The following DZIP1L variants were observed in gnomAD, a reference collection of about 807,000 sequenced individuals.
DZIP1L encodes the protein DAZ interacting zinc finger protein 1 like, also known as cilium assembly protein DZIP1L.
In DZIP1L, 90 loss-of-function variants were observed where a neutral mutation model predicts 88.7. The ratio of observed to expected loss-of-function variants is 1.02; its 90% CI spans 0.86 to 1.21. The LOEUF is 1.21. Among genes scored for constraint, DZIP1L ranks in the 50% most tolerant of loss-of-function variants. The pLI, the probability that DZIP1L is intolerant of heterozygous loss-of-function variation, is 0.00. For synonymous variants in DZIP1L, 363 were observed against 372.1 expected (o/e 0.98, Z 0.28); for missense variants, 932 against 955.8 (o/e 0.98, Z 0.33).
intron 9 of DZIP1L, among the ~76,000 whole-genome samples, chr3:138,081,386 A>C (rs1943640849): frequency 6.6e-6 from 1 of 152,154 alleles, no homozygotes; most frequent in South Asian, 2.1e-4. Context: ...AACAAGGTAA[A>C]AGTTGCTGGC....
intron 3 of DZIP1L, among the ~76,000 whole-genome samples, chr3:138,097,015 A>G (rs1042166101): frequency 9.2e-5 from 14 of 152,012 alleles, no homozygotes; most frequent in African/African-American, 3.4e-4. Flanking sequence ...CCTCATCTCT[A>G]TGAAAAATTT....
chr3:138,090,084 G>A (rs149727681), intron 5 of DZIP1L, among the ~76,000 whole-genome samples: 94 of 152,072 alleles, frequency 6.2e-4, no homozygotes, highest in African/African-American at 2.2e-3. Context: ...AGGCTGCAGT[G>A]AACCGTGATT....
rs1942749732 is a variant in DZIP1L at position 138,062,719 on chromosome 3, T to C, written c.*97A>G. On this transcript the variant is annotated 3_prime_UTR_variant, in exon 16 of 16. Coordinates refer to ENST00000327532, the MANE Select transcript of DZIP1L (RefSeq NM_173543.3). ...TCCAAGAGGATGATCTCTTGGTTGTTTGTGAAGACAAGAGGCCCAGCAGCC... is the reference window on the plus strand; with the variant it reads ...TCCAAGAGGATGATCTCTTGGTTGTCTGTGAAGACAAGAGGCCCAGCAGCC... The C allele has an allele frequency of 7.3e-7, 1 of 1,367,080 alleles. No homozygotes were observed. Among genetic ancestry groups the C allele is most frequent in the East Asian group, 2.3e-5 (1 of 43,498 alleles). 84.7% of individuals were successfully genotyped at this position (1,367,080 alleles called of 1,614,324 possible). A position where few individuals can be genotyped will look rare whatever the true frequency, so the allele number is the denominator to read the frequency against.
intron 12 of DZIP1L, among the ~76,000 whole-genome samples, chr3:138,071,360 G>T (rs1310636816): frequency 6.6e-6 from 1 of 152,202 alleles, no homozygotes; most frequent in Non-Finnish European, 1.5e-5. Flanking sequence ...GAGGCAGCAT[G>T]TCTGCACAGG....
At chr3:138,102,658 A>G (rs2042357521) in intron 2 of DZIP1L, 5 of 1,326,504 alleles carry the variant, frequency 3.8e-6, no homozygotes, top group South Asian at 3.5e-5. Context: ...CTGGGTGCAC[A>G]TGGCCTGAAT....
chr3:138,100,623 T>C (rs329385), intron 2 of DZIP1L, among the ~76,000 whole-genome samples: 93,602 of 152,086 alleles, frequency 0.62, 29,957 homozygotes, highest in Non-Finnish European at 0.7. Context: ...AGGTAGATAG[T>C]GTCAGAATTG....
At chr3:138,097,980 G>T (rs1944559829) in intron 2 of DZIP1L, 133 bp from the exon 3 acceptor site, 7 of 705,936 alleles carry the variant, frequency 9.9e-6, no homozygotes, top group Non-Finnish European at 1.7e-5. Context: ...AATTTACTGA[G>T]CAAGGCAATG....
Position 138,092,497 on chromosome 3 carries a change from A to T in DZIP1L, c.756T>A (p.Phe252Leu), listed in dbSNP as rs765052280. The T allele has an allele frequency of 6.2e-7, 1 of 1,603,218 alleles. No individual in the cohort carries two copies. The highest frequency in any genetic ancestry group is 8.5e-7 in the Non-Finnish European group (1 of 1,176,848). Residue 252 changes from phenylalanine to leucine, a missense_variant, in exon 5 of 16, where the codon TTT becomes TTA. Phe to Leu is a conservative substitution (Grantham distance 22). Transcript: ENST00000327532. Reference sequence around the variant, plus strand: ...TCCACTCTTGCTCTTTCCATTTATCAAATTCTTTCTTAGCTTCTATTTCCC... The same window carrying T: ...TCCACTCTTGCTCTTTCCATTTATCTAATTCTTTCTTAGCTTCTATTTCCC... ...HQREIEAKKE[F>L]DKWKEQEWTK... is the part of the protein sequence containing the mutation.
At chr3:138,108,948 A>T (rs1485549547) in intron 1 of DZIP1L, among the ~76,000 whole-genome samples, 1 of 152,216 alleles carries the variant, frequency 6.6e-6, no homozygotes, top group Non-Finnish European at 1.5e-5. Flanking sequence ...AGATCCCCAG[A>T]CTTACTGATT....
chr3:138,101,731 C>G, intron 2 of DZIP1L: 1 of 884,270 alleles, frequency 1.1e-6, no homozygotes, highest in South Asian at 1.3e-5. Flanking sequence ...AGACTCCAGC[C>G]GGCTTTCCTT....
Position 138,062,980 on chromosome 3 carries a change from G to T in DZIP1L, c.2143-3C>A, listed in dbSNP as rs1460047524. 1.2e-6 allele frequency: 2 copies of T among 1,613,904 alleles called. No homozygotes were observed. The highest frequency in any genetic ancestry group is 2.7e-5 in the African/African-American group (2 of 75,046). On this transcript the variant is annotated splice_polypyrimidine_tract_variant and splice_region_variant and intron_variant, in intron 15 of 15. Coordinates refer to ENST00000327532, the MANE Select transcript of DZIP1L (RefSeq NM_173543.3). ...AAGTCACTCTCATCTTCAGAAAGCT[G>T]CAGGGGGTAAAGGGGAGAAGAAAAT...
chr3:138,108,067 T>G lies in DZIP1L; in HGVS notation c.-81-4015A>C, dbSNP rs945894410. ...GGCGCGATCTCGGCTCACTGCAAGC[T>G]CTGCCTCCCAGGTTCACGTCATTCT... On this transcript the variant is annotated intron_variant, in intron 1 of 15. Transcript: ENST00000327532. 5 of 257,432 alleles carry G rather than the reference T, an allele frequency of 1.9e-5. No homozygotes were observed. The East Asian group carries it at 7.1e-4, about 37-fold the overall frequency. 15.9% of individuals were successfully genotyped at this position (257,432 alleles called of 1,614,324 possible). A position where few individuals can be genotyped will look rare whatever the true frequency, so the allele number is the denominator to read the frequency against.
At chr3:138,064,389 T>C in intron 15 of DZIP1L, 2 of 1,386,324 alleles carry the variant, frequency 1.4e-6, no homozygotes, top group Non-Finnish European at 1.9e-6. Flanking sequence ...CAATCAAAAC[T>C]TACTGAGCAT....
At chr3:138,072,494 A>AT (rs149722455) in intron 11 of DZIP1L, among the ~76,000 whole-genome samples, 4,214 of 150,282 alleles carry the variant, frequency 0.028, 177 homozygotes, top group African/African-American at 0.097. Flanking sequence ...CTAGTTGTCT[A>AT]TTTTTTTTTT....
intron 12 of DZIP1L, among the ~76,000 whole-genome samples, chr3:138,069,467 G>A (rs1293435984): frequency 6.6e-6 from 1 of 152,134 alleles, no homozygotes; most frequent in Non-Finnish European, 1.5e-5. Flanking sequence ...CCCCTGCATT[G>A]TTCAAGGGCC....
At position 138,106,618 on chromosome 3, in the gene DZIP1L, G is replaced by C. The variant is rs546929231; in HGVS notation, c.-81-2566C>G. ...GGAGGCCAAGGTGGGTGGATCACGAGGTCAAGAGATTGAGACCATCCTGGC... is the reference window on the plus strand; with the variant it reads ...GGAGGCCAAGGTGGGTGGATCACGACGTCAAGAGATTGAGACCATCCTGGC... On this transcript the variant is annotated intron_variant, in intron 1 of 15. Transcript: ENST00000327532. 6.6e-5 allele frequency among the ~76,000 whole-genome samples: 10 copies of C among 151,714 alleles called. No homozygotes were observed. The East Asian group carries it at 2.0e-3, about 30-fold the overall frequency.
At chr3:138,082,392 A>C (rs1054725126) in intron 8 of DZIP1L, among the ~76,000 whole-genome samples, 1 of 152,202 alleles carries the variant, frequency 6.6e-6, no homozygotes, top group African/African-American at 2.4e-5. Flanking sequence ...CTGGCAGCCA[A>C]TTGTTTGTGG....
Position 138,086,979 on chromosome 3 carries a change from G to C in DZIP1L, c.1044C>G (p.His348Gln). Residue 348 changes from histidine (H) to glutamine (Q), a missense_variant, in exon 7 of 16, where the codon CAC (histidine) becomes CAG (glutamine). By Grantham distance (24) the His-to-Gln change is conservative. Transcript: ENST00000327532. ...AAGCTACCTCTTTCTTCTCAGCCAT[G>C]TGCTCTTCATGCAGTTCCTTCACTT... ...KRKVKELHEE[H>Q]MAEKKELQEE... The C allele has an allele frequency of 1.2e-6, 2 of 1,614,020 alleles. No homozygotes were observed. The highest frequency in any genetic ancestry group is 2.7e-5 in the African/African-American group (2 of 75,030).
At position 138,092,557 on chromosome 3, in the gene DZIP1L, G is replaced by A; in HGVS notation, c.709-13C>T. 1 of 1,554,342 alleles carries A rather than the reference G, an allele frequency of 6.4e-7. No individual in the cohort carries two copies. Among genetic ancestry groups the A allele is most frequent in the Non-Finnish European group, 8.6e-7 (1 of 1,160,082 alleles). On this transcript the variant is annotated splice_polypyrimidine_tract_variant and intron_variant, in intron 4 of 15. Transcript: ENST00000327532. The stretch of plus-strand genomic sequence containing the variant: ...TGAGCTCTGCTTCCTAAAAAGAAGA[G>A]CAAGAACAATATGATGATTAATTCC...
Sources: gnomAD v4.1 joint callset for allele counts (sites outside exome capture counted in the v4.1 genomes callset) on GRCh38, gnomAD v4.1.1 for gene constraint, MANE v1.5 for transcripts, NCBI Gene and HGNC (gene_info 2026-07-23, HGNC 2026-07-21) for gene names.